The following TAOK3 variants were observed in gnomAD, a reference collection of about 807,000 sequenced individuals.
TAOK3 encodes serine/threonine-protein kinase TAO3.
In TAOK3, 40 loss-of-function variants were observed where a neutral mutation model predicts 120.4. That is an observed-to-expected ratio of 0.33 (90% CI 0.26 to 0.43). TAOK3 has a LOEUF of 0.43. TAOK3 is among the 20% of genes least tolerant of loss of function. TAOK3 has a pLI of 1.00. For synonymous variants in TAOK3, 355 were observed against 387.5 expected (o/e 0.92, Z 0.99); for missense variants, 821 against 1,112.1 (o/e 0.74, Z 3.72).
intron 1 of TAOK3, among the ~76,000 whole-genome samples, chr12:118,293,236 A>G (rs901246664): frequency 1.1e-4 from 16 of 152,258 alleles, no homozygotes; most frequent in African/African-American, 1.7e-4. Context: ...AAACAGTTCT[A>G]TAACAACTGA....
At chr12:118,268,952 G>C (rs554592363) in intron 1 of TAOK3, among the ~76,000 whole-genome samples, 5 of 151,928 alleles carry the variant, frequency 3.3e-5, no homozygotes, top group Non-Finnish European at 7.4e-5. Context: ...AAGATGGGGT[G>C]AGCCGAGATC....
rs190619766 is a variant in TAOK3, at chr12:118,231,765, A to G, written c.643+1909T>C. Among the ~76,000 whole-genome samples, 202 of 151,998 alleles carry G rather than the reference A, an allele frequency of 1.3e-3. 1 individual carries two copies. Among genetic ancestry groups the G allele is most frequent in the African/African-American group, 4.7e-3 (195 of 41,462 alleles). On this transcript the variant is annotated intron_variant, in intron 9 of 20. Coordinates refer to ENST00000392533, the MANE Select transcript of TAOK3 (RefSeq NM_016281.4). ...ATGGCAAAACCCCATCTCTATTAAA[A>G]ACACAAAATTAGCCAGGCGTGGTGG...
intron 1 of TAOK3, among the ~76,000 whole-genome samples, chr12:118,366,849 G>A (rs1353188482): frequency 3.9e-5 from 6 of 152,150 alleles, no homozygotes. Context: ...CAGCACTCTG[G>A]GAGGCTGAGG....
intron 1 of TAOK3, among the ~76,000 whole-genome samples, chr12:118,268,784 G>A (rs544069670): frequency 6.6e-5 from 10 of 152,268 alleles, no homozygotes; most frequent in East Asian, 3.9e-4. Flanking sequence ...CAAGGCGGGT[G>A]GATCACCTGA....
At chr12:118,153,234 C>A (rs1458329677) in intron 19 of TAOK3, among the ~76,000 whole-genome samples, 2 of 152,098 alleles carry the variant, frequency 1.3e-5, no homozygotes, top group African/African-American at 4.8e-5. Context: ...TTGTGAGACC[C>A]CCATCTATAC....
Position 118,243,517 on chromosome 12 carries a change from C to A in TAOK3, c.193-1G>T. 7.4e-7 allele frequency: 1 copy of A among 1,354,850 alleles called. No homozygotes were observed. The highest frequency in any genetic ancestry group is 1.0e-6 in the Non-Finnish European group (1 of 996,584). The allele number at this position is 1,354,850 out of a possible 1,614,324, so 83.9% of individuals were successfully genotyped here. ...CTTCCTTAAGAATATCTTGCCATTTCTATTGAAGTCAGAAAAGGAACATTT... is the reference window on the plus strand; with the variant it reads ...CTTCCTTAAGAATATCTTGCCATTTATATTGAAGTCAGAAAAGGAACATTT... On this transcript the variant is annotated splice_acceptor_variant, in intron 4 of 20. Coordinates refer to ENST00000392533, the MANE Select transcript of TAOK3 (RefSeq NM_016281.4). LOFTEE classifies it high-confidence loss of function.
chr12:118,198,905 G>T, intron 13 of TAOK3, 146 bp downstream of exon 13: 1 of 763,564 alleles, frequency 1.3e-6, no homozygotes, highest in East Asian at 2.6e-5. Flanking sequence ...GTTACTTTTT[G>T]ACTGTAAGAA....
At chr12:118,321,656 C>T (rs1236942161) in intron 1 of TAOK3, among the ~76,000 whole-genome samples, 1 of 152,098 alleles carries the variant, frequency 6.6e-6, no homozygotes, top group South Asian at 2.1e-4. Flanking sequence ...GATTACAAGA[C>T]ATTTCAAAAA....
chr12:118,248,227 C>T (rs77438136), intron 3 of TAOK3, among the ~76,000 whole-genome samples: 2,755 of 146,530 alleles, frequency 0.019, 78 homozygotes, highest in African/African-American at 0.061. Context: ...CCCACAATAA[C>T]GTACTACAGG....
intron 1 of TAOK3, among the ~76,000 whole-genome samples, chr12:118,277,996 TTG>T (rs1279666632): frequency 2.0e-5 from 3 of 152,166 alleles, no homozygotes; most frequent in Admixed American, 1.3e-4. Context: ...GTTTGTGGTT[TTG>T]TTTACAAAAC....
intron 16 of TAOK3, among the ~76,000 whole-genome samples, chr12:118,176,853 G>A (rs532575332): frequency 9.9e-5 from 15 of 151,778 alleles, no homozygotes; most frequent in African/African-American, 3.4e-4. Context: ...TGCAACCTCT[G>A]CCTCTTGGGT....
intron 1 of TAOK3, among the ~76,000 whole-genome samples, chr12:118,282,575 C>A: frequency 6.6e-6 from 1 of 152,120 alleles, no homozygotes; most frequent in East Asian, 1.9e-4. Flanking sequence ...CTAACTTAGG[C>A]AGAAAATAAA....
At chr12:118,203,932 T>C (rs1257314963) in intron 11 of TAOK3, among the ~76,000 whole-genome samples, 1 of 152,186 alleles carries the variant, frequency 6.6e-6, no homozygotes, top group East Asian at 1.9e-4. Context: ...GCCCCTTTTA[T>C]GCCTCAAGAG....
intron 3 of TAOK3, among the ~76,000 whole-genome samples, chr12:118,252,357 A>G (rs1179019110): frequency 6.6e-6 from 1 of 152,222 alleles, no homozygotes; most frequent in African/African-American, 2.4e-5. Context: ...TAAGTGGGTT[A>G]TAACTATAAA....
chr12:118,252,795 C>T (rs2040814029), intron 3 of TAOK3, among the ~76,000 whole-genome samples: 1 of 151,090 alleles, frequency 6.6e-6, no homozygotes, highest in African/African-American at 2.4e-5. Flanking sequence ...TCTTGGCTCA[C>T]TGCAAGCTCT....
At chr12:118,204,735 C>T (rs61945176) in intron 11 of TAOK3, among the ~76,000 whole-genome samples, 27,882 of 152,090 alleles carry the variant, frequency 0.18, 2,651 homozygotes, top group East Asian at 0.24. Flanking sequence ...TCTTAGAAAA[C>T]TTTCTGTTTC....
At chr12:118,357,188 G>A (rs2045432862) in intron 1 of TAOK3, among the ~76,000 whole-genome samples, 1 of 152,122 alleles carries the variant, frequency 6.6e-6, no homozygotes, top group South Asian at 2.1e-4. Context: ...CTTTTATGTT[G>A]CAACAGTAAG....
At chr12:118,327,332 G>A (rs1316927066) in intron 1 of TAOK3, among the ~76,000 whole-genome samples, 1 of 152,116 alleles carries the variant, frequency 6.6e-6, no homozygotes, top group Non-Finnish European at 1.5e-5. Flanking sequence ...CTGAAGTTCT[G>A]AAAATGTTAA....
At chr12:118,152,670 G>C (rs1460955666) in intron 19 of TAOK3, 2 of 396,004 alleles carry the variant, frequency 5.1e-6, no homozygotes, top group Non-Finnish European at 9.2e-6. Context: ...ACACCTGTGG[G>C]CTTTGGAGGT....
Sources: gnomAD v4.1 joint callset for allele counts (sites outside exome capture counted in the v4.1 genomes callset) on GRCh38, gnomAD v4.1.1 for gene constraint, MANE v1.5 for transcripts, NCBI Gene and HGNC (gene_info 2026-07-23, HGNC 2026-07-21) for gene names.